Variants in VAV2 observed in about 807,000 individuals in gnomAD.
VAV2 encodes the protein guanine nucleotide exchange factor VAV2.
VAV2 carries 67 observed loss-of-function variants against 132.5 expected under a neutral mutation model. The ratio of observed to expected loss-of-function variants is 0.51; its 90% CI spans 0.42 to 0.62. The LOEUF is 0.62. VAV2 is among the 20% of genes least tolerant of loss of function. The pLI, the probability that VAV2 is intolerant of heterozygous loss-of-function variation, is 0.00. For synonymous variants in VAV2, 492 were observed against 443.5 expected, an observed-to-expected ratio of 1.11 and a Z score of -1.37; for missense variants, 938 against 1,153.6, an observed-to-expected ratio of 0.81 and a Z score of 2.71.
At chr9:133,856,440 C>T (rs1037542787) in intron 3 of VAV2, among the ~76,000 whole-genome samples, 2 of 151,748 alleles carry the variant, frequency 1.3e-5, no homozygotes, top group South Asian at 4.2e-4. Context: ...CCACCGGGAC[C>T]CCATGCTGGT....
chr9:133,853,355 GC>G (rs1475782127), intron 3 of VAV2, among the ~76,000 whole-genome samples: 5 of 152,136 alleles, frequency 3.3e-5, no homozygotes, highest in African/African-American at 9.7e-5. Context: ...GTACAGAGCT[GC>G]CCCCAGGCTG....
At chr9:133,805,981 G>C (rs1835121788) in intron 9 of VAV2, 100 bp downstream of exon 9, 1 of 1,320,420 alleles carries the variant, frequency 7.6e-7, no homozygotes. Context: ...CCCTGCCTCG[G>C]GACACCCCAA....
At chr9:133,927,636 C>T (rs888497488) in intron 2 of VAV2, among the ~76,000 whole-genome samples, 2 of 152,142 alleles carry the variant, frequency 1.3e-5, no homozygotes, top group Non-Finnish European at 2.9e-5. Context: ...GTTGGCCCCA[C>T]TCCAAGCGGC....
chr9:133,850,035 G>T (rs1368929614), intron 3 of VAV2, among the ~76,000 whole-genome samples: 4 of 152,208 alleles, frequency 2.6e-5, no homozygotes, highest in Admixed American at 1.3e-4. Flanking sequence ...GAAAGCCAGG[G>T]GACCCGGATG....
intron 3 of VAV2, among the ~76,000 whole-genome samples, chr9:133,855,677 C>T (rs3819500): frequency 0.11 from 17,162 of 152,262 alleles, 1,127 homozygotes; most frequent in South Asian, 0.16. Context: ...AAAGGTGGGT[C>T]CTTGAAGCCA....
At chr9:133,843,221 AG>A (rs1836796220) in intron 3 of VAV2, among the ~76,000 whole-genome samples, 1 of 152,156 alleles carries the variant, frequency 6.6e-6, no homozygotes, top group Non-Finnish European at 1.5e-5. Flanking sequence ...CACAGGGCCG[AG>A]GGGTGCAGGG....
chr9:133,989,871 G>T (rs1479459999), intron 1 of VAV2, among the ~76,000 whole-genome samples: 1 of 152,236 alleles, frequency 6.6e-6, no homozygotes, highest in Non-Finnish European at 1.5e-5. Flanking sequence ...CCCCGTGCAG[G>T]CAACAGCCGT....
chr9:133,786,097 A>G, intron 16 of VAV2: 1 of 605,332 alleles, frequency 1.7e-6, no homozygotes, highest in South Asian at 1.7e-5. Flanking sequence ...GCATGCATGT[A>G]TAGCTGTGTG....
chr9:133,850,516 G>A (rs145853285), intron 3 of VAV2, among the ~76,000 whole-genome samples: 2,994 of 152,282 alleles, frequency 0.02, 45 homozygotes, highest in Middle Eastern at 0.027. Flanking sequence ...ACAAATGGAC[G>A]GCTATGGACT....
chr9:133,954,299 G>A lies in VAV2; in HGVS notation c.205-15080C>T, dbSNP rs543858289. Among the ~76,000 whole-genome samples the A allele has an allele frequency of 1.6e-3, 243 of 152,310 alleles. 1 individual carries two copies. Among genetic ancestry groups the A allele is most frequent in the African/African-American group, 5.5e-3 (229 of 41,576 alleles). ...ATCCGCCCACCAGCACCTGCTGAGGGCCTGCGGCCCTGCATGCATGGCCCA... is the reference window on the plus strand; with the variant it reads ...ATCCGCCCACCAGCACCTGCTGAGGACCTGCGGCCCTGCATGCATGGCCCA... On this transcript the variant is annotated intron_variant, in intron 1 of 29. Transcript: ENST00000371850.
intron 3 of VAV2, among the ~76,000 whole-genome samples, chr9:133,838,855 G>GGATGGA (rs1836592357): frequency 1.8e-5 from 2 of 110,216 alleles, no homozygotes; most frequent in African/African-American, 1.0e-4. Flanking sequence ...GGATGAATGG[G>GGATGGA]TGGGTGGGTG....
At chr9:133,770,843 G>C (rs1046500290) in intron 26 of VAV2, among the ~76,000 whole-genome samples, 1 of 152,208 alleles carries the variant, frequency 6.6e-6, no homozygotes, top group Non-Finnish European at 1.5e-5. Context: ...AAGTGACAGA[G>C]AGCCATGCGG....
chr9:133,942,216 T>C (rs76670726), intron 1 of VAV2, among the ~76,000 whole-genome samples: 3,266 of 151,548 alleles, frequency 0.022, 112 homozygotes, highest in African/African-American at 0.075. Flanking sequence ...CCACGAGGAG[T>C]GCATGTGAGA....
intron 17 of VAV2, among the ~76,000 whole-genome samples, chr9:133,785,084 T>G (rs558229358): frequency 6.6e-6 from 1 of 152,210 alleles, no homozygotes; most frequent in Non-Finnish European, 1.5e-5. Context: ...CTGCATCTAT[T>G]CTCACGAGCC....
At position 133,866,072 on chromosome 9, in the gene VAV2, C is replaced by T. The variant is rs1282922381; in HGVS notation, c.322-4640G>A. ...CTGGCTCAGCTCTCTGCACTGCCTC[C>T]ATTCCATCTCCCTCACCTCCACCAT... On this transcript the variant is annotated intron_variant, in intron 2 of 29. Coordinates refer to ENST00000371850, the MANE Select transcript of VAV2 (RefSeq NM_001134398.2). Among the ~76,000 whole-genome samples the T allele has an allele frequency of 2.6e-5, 4 of 152,196 alleles. No homozygotes were observed. In the East Asian group the frequency reaches 7.7e-4, roughly 29 times the overall value.
Position 133,774,971 on chromosome 9 carries a change from C to T in VAV2, c.2099G>A (p.Arg700Gln), listed in dbSNP as rs1162980032. 3.1e-6 allele frequency: 5 copies of T among 1,613,374 alleles called. No homozygotes were observed. Among genetic ancestry groups the T allele is most frequent in the Non-Finnish European group, 3.4e-6 (4 of 1,179,904 alleles). ...HASGTYLIRE[R>Q]PAEAERFAIS... is the part of the protein sequence containing the mutation. ...TGCAAAGCGCTCAGCCTCGGCAGGC[C>T]GCTCCCTGATCAGGTAGGTCCCGCT... The change falls in exon 25 of 30, where the codon CGG becomes CAG. Residue 700 changes from arginine (R) to glutamine (Q), a missense_variant. Physicochemically the swap from Arg to Gln is conservative, Grantham distance 43 (BLOSUM62 1). Coordinates refer to ENST00000371850, the MANE Select transcript of VAV2 (RefSeq NM_001134398.2).
intron 4 of VAV2, among the ~76,000 whole-genome samples, chr9:133,832,073 C>T (rs1433186372): frequency 6.6e-6 from 1 of 152,202 alleles, no homozygotes; most frequent in Admixed American, 6.5e-5. Context: ...TACAGGCATC[C>T]TACCATGTGC....
At chr9:133,812,090 A>T in intron 5 of VAV2, 24 bp downstream of exon 5, 1 of 1,608,506 alleles carries the variant, frequency 6.2e-7, no homozygotes, top group Non-Finnish European at 8.5e-7. Context: ...AGGGGAAGGG[A>T]GGGAGGAGCG....
At position 133,828,205 on chromosome 9, in the gene VAV2, CTGAGTGG is replaced by C. The variant is rs68068494; in HGVS notation, c.449+6060_449+6066del. On this transcript the variant is annotated intron_variant, in intron 4 of 29. Transcript: ENST00000371850. ...CTGCTGTGCCCACTGAGGCTGACCA[CTGAGTGG>C]GGGCATCACCACCTACCGCTGCGCC... Among the ~76,000 whole-genome samples, 79 of 13,054 alleles carry C rather than the reference CTGAGTGG, an allele frequency of 6.1e-3. 27 individuals carry two copies. In the East Asian group the frequency reaches 0.21, roughly 35 times the overall value. 8.6% of individuals were successfully genotyped at this position (13,054 alleles called of 152,430 possible).
Sources: allele counts gnomAD v4.1 joint callset (sites outside exome capture counted in the v4.1 genomes callset), GRCh38; gene constraint gnomAD v4.1.1; transcripts MANE v1.5; gene names NCBI Gene and HGNC (gene_info 2026-07-23, HGNC 2026-07-21).